Variants in SMYD1 observed in about 807,000 individuals in gnomAD.
SMYD1 encodes SET and MYND domain containing 1.
Under a neutral mutation model 54.0 loss-of-function variants are expected in SMYD1, and 49 were observed. The ratio of observed to expected loss-of-function variants is 0.91; its 90% confidence interval spans 0.72 to 1.15. SMYD1 has a LOEUF of 1.15. Among genes scored for constraint, SMYD1 ranks in the 50% most tolerant of loss-of-function variants. The pLI is 0.00. For synonymous variants in SMYD1, 269 were observed against 234.2 expected, an observed-to-expected ratio of 1.15 and a Z score of -1.36; for missense variants, 653 against 639.6, an observed-to-expected ratio of 1.02 and a Z score of -0.23.
rs1675068480 is a variant in SMYD1 at position 88,113,138 on chromosome 2, C to A, written c.*2626C>A. 1 of 152,188 alleles carries A rather than the reference C, an allele frequency of 6.6e-6. No individual in the cohort carries two copies. The highest frequency in any genetic ancestry group is 1.5e-5 in the Non-Finnish European group (1 of 68,042). The allele number at this position is 152,188 out of a possible 1,614,324, so 9.4% of individuals were successfully genotyped here. On this transcript the variant is annotated 3_prime_UTR_variant, in exon 10 of 10. Coordinates refer to ENST00000419482, the MANE Select transcript of SMYD1 (RefSeq NM_198274.4). ...CACCACCCAAGAACGTCACCTCCTC[C>A]ATCAGATTGTGAGCTCCTGGAGGGC...
At position 88,096,706 on chromosome 2, in the gene SMYD1, C is replaced by G. The variant is rs1198146531; in HGVS notation, c.810C>G (p.Tyr270Ter). The G allele has an allele frequency of 1.2e-6, 2 of 1,614,200 alleles. No homozygotes were observed. The highest frequency in any genetic ancestry group is 4.5e-5 in the East Asian group (2 of 44,884). Residue 270 changes from tyrosine (Y) to a stop codon, truncating the protein, a stop_gained, in exon 6 of 10, where the codon TAC becomes TAG. Transcript: ENST00000419482. LOFTEE classifies it high-confidence loss of function. ...EERKRQLKKQYYFDCTCEHCQ... is the reference protein window; with the variant it reads ...EERKRQLKKQ ...GCAAGAGGCAGCTGAAGAAGCAGTA[C>G]TACTTTGACTGCACATGTGAACACT...
intron 7 of SMYD1, 44 bp from the exon 8 acceptor site, chr2:88,106,281 G>T (rs761451064): frequency 3.1e-5 from 50 of 1,604,356 alleles, no homozygotes; most frequent in Non-Finnish European, 4.0e-5. Context: ...TTAAACGTGT[G>T]CTCTGGTGCA....
chr2:88,074,414 C>G (rs1189867424), intron 1 of SMYD1, among the ~76,000 whole-genome samples: 1 of 152,108 alleles, frequency 6.6e-6, no homozygotes, highest in Non-Finnish European at 1.5e-5. Context: ...TAAGGACTTG[C>G]AATTACATTA....
At chr2:88,096,552 T>C in intron 5 of SMYD1, 43 bp from the exon 6 acceptor site, 1 of 1,528,640 alleles carries the variant, frequency 6.5e-7, no homozygotes, top group Non-Finnish European at 8.9e-7. Context: ...CCCATTCCAG[T>C]AGGCCTGGAT....
At chr2:88,085,613 C>T (rs1392276184) in intron 2 of SMYD1, among the ~76,000 whole-genome samples, 1 of 152,214 alleles carries the variant, frequency 6.6e-6, no homozygotes, top group East Asian at 1.9e-4. Context: ...ACATATCCTT[C>T]AAGACCTGAA....
chr2:88,091,701 CATAA>C (rs1316025957), intron 4 of SMYD1, among the ~76,000 whole-genome samples: 1 of 151,994 alleles, frequency 6.6e-6, no homozygotes. Context: ...TAAATAAATA[CATAA>C]ATAAATACAT....
In SMYD1 at chr2:88,113,335, T is replaced by C. The variant is rs1675072890; in HGVS notation, c.*2823T>C. The C allele has an allele frequency of 6.6e-6, 1 of 152,260 alleles. No homozygotes were observed. The highest frequency in any genetic ancestry group is 1.5e-5 in the Non-Finnish European group (1 of 68,044). 9.4% of individuals were successfully genotyped at this position (152,260 alleles called of 1,614,324 possible). On this transcript the variant is annotated 3_prime_UTR_variant, in exon 10 of 10. Transcript: ENST00000419482. ...CATGAAACTGTATTTTGAGTTTCTA[T>C]GTTATAGCAGTCAGCAAATCCTATT... is the stretch of plus-strand genomic sequence containing the variant.
chr2:88,088,019 T>G lies in SMYD1; in HGVS notation c.472T>G (p.Trp158Gly). The change falls in exon 3 of 10, where the codon TGG becomes GGG. Residue 158 changes from tryptophan (W) to glycine (G), a missense_variant. Transcript: ENST00000419482. The stretch of plus-strand genomic sequence containing the variant: ...GGACGTGGACACATTCTTGCAGTAC[T>G]GGCCGCCGCAGAGCCAGCAGTTCAG... ...RVDVDTFLQYWPPQSQQFSMQ... is the reference protein window; with the variant it reads ...RVDVDTFLQYGPPQSQQFSMQ... 1 of 1,614,142 alleles carries G rather than the reference T, an allele frequency of 6.2e-7. No homozygotes were observed. The highest frequency in any genetic ancestry group is 1.1e-5 in the South Asian group (1 of 91,080).
intron 1 of SMYD1, among the ~76,000 whole-genome samples, chr2:88,079,025 C>A (rs888893588): frequency 6.6e-5 from 10 of 152,360 alleles, no homozygotes; most frequent in South Asian, 4.1e-4. Context: ...TGGAACCCAT[C>A]CAAGTTCACC....
intron 3 of SMYD1, among the ~76,000 whole-genome samples, chr2:88,088,609 G>C (rs1674394189): frequency 6.8e-6 from 1 of 146,384 alleles, no homozygotes; most frequent in Admixed American, 7.2e-5. Context: ...TCCATCTCTG[G>C]ATGGTAGATT....
rs148315556 is a variant in SMYD1 at position 88,071,723 on chromosome 2, G to A, written c.137+3722G>A. Among the ~76,000 whole-genome samples the A allele has an allele frequency of 1.2e-3, 189 of 152,268 alleles. 1 individual carries two copies. Among genetic ancestry groups the A allele is most frequent in the African/African-American group, 4.4e-3 (182 of 41,552 alleles). ...GGGGGCTGGAAGGGAGTGAAGTACC[G>A]TTACCAAGGGGTTGCCTTTTTTGGA... On this transcript the variant is annotated intron_variant, in intron 1 of 9. Transcript: ENST00000419482.
At chr2:88,099,109 C>T (rs569558656) in intron 6 of SMYD1, among the ~76,000 whole-genome samples, 1 of 151,770 alleles carries the variant, frequency 6.6e-6, no homozygotes, top group Non-Finnish European at 1.5e-5. Context: ...ATTTTTGAGA[C>T]GAGGTTTCAC....
intron 7 of SMYD1, among the ~76,000 whole-genome samples, chr2:88,104,823 G>T (rs1674819870): frequency 6.6e-6 from 1 of 152,192 alleles, no homozygotes. Context: ...ACTTTGTAGG[G>T]TAGGGCCTAA....
intron 4 of SMYD1, among the ~76,000 whole-genome samples, chr2:88,092,368 G>A (rs1330896123): frequency 3.3e-5 from 5 of 152,112 alleles, no homozygotes; most frequent in African/African-American, 7.2e-5. Context: ...CTCAGGATGG[G>A]GAAATGTAGG....
At chr2:88,074,741 T>C (rs1674021982) in intron 1 of SMYD1, among the ~76,000 whole-genome samples, 1 of 152,230 alleles carries the variant, frequency 6.6e-6, no homozygotes, top group Non-Finnish European at 1.5e-5. Context: ...AGATTATGTA[T>C]ATATAGTGTG....
intron 1 of SMYD1, among the ~76,000 whole-genome samples, chr2:88,080,453 T>A (rs545326752): frequency 2.6e-5 from 4 of 152,234 alleles, no homozygotes; most frequent in Admixed American, 1.3e-4. Context: ...AAATGTCAAT[T>A]TGGGTGTAAA....
rs765404188 is a variant in SMYD1, at chr2:88,110,529, G to T, written c.*17G>T. 12 of 1,545,052 alleles carry T rather than the reference G, an allele frequency of 7.8e-6. No homozygotes were observed. In the East Asian group the frequency reaches 2.6e-4, roughly 34 times the overall value. On this transcript the variant is annotated 3_prime_UTR_variant, in exon 10 of 10. Coordinates refer to ENST00000419482, the MANE Select transcript of SMYD1 (RefSeq NM_198274.4). ...AAGCAATGAGGACTGCCCAGTGGAG[G>T]AGGGGCGATGTGGCTGGGGAGCTAG...
chr2:88,081,018 T>C (rs985820057), intron 1 of SMYD1, among the ~76,000 whole-genome samples: 1 of 151,920 alleles, frequency 6.6e-6, no homozygotes, highest in African/African-American at 2.4e-5. Flanking sequence ...TTCTCCTGCC[T>C]CAGCCTCCGG....
At position 88,106,339 on chromosome 2, in the gene SMYD1, C is replaced by A. The variant is rs1401962431; in HGVS notation, c.996C>A (p.Cys332Ter). 6.2e-7 allele frequency: 1 copy of A among 1,613,938 alleles called. No individual in the cohort carries two copies. The highest frequency in any genetic ancestry group is 1.3e-5 in the African/African-American group (1 of 74,910). ...TCTCACTCTAGGTTGTGAAATTATG[C>A]CGGGAGTGCCTGGAGAAGCAGGAGC... ...EGLYHEVVKL[C>*]RECLEKQEPV... Residue 332 changes from cysteine (C) to a stop codon, truncating the protein, a stop_gained, in exon 8 of 10, where the codon TGC (cysteine) becomes TGA (stop). Coordinates refer to ENST00000419482, the MANE Select transcript of SMYD1 (RefSeq NM_198274.4). LOFTEE classifies it high-confidence loss of function.
Sources: allele counts gnomAD v4.1 joint callset (sites outside exome capture counted in the v4.1 genomes callset), GRCh38; gene constraint gnomAD v4.1.1; transcripts MANE v1.5; gene names NCBI Gene and HGNC (gene_info 2026-07-23, HGNC 2026-07-21).